SRPK2: variants seen among roughly 807,000 people sequenced by gnomAD.
SRPK2 encodes the protein SRSF protein kinase 2, also known as SFRS protein kinase 2.
SRPK2 carries 21 observed loss-of-function variants against 90.8 expected under a neutral mutation model. That is an observed-to-expected ratio of 0.23 (90% CI 0.16 to 0.33). The LOEUF is 0.33. SRPK2 is among the 10% of genes least tolerant of loss of function. The pLI, the probability that SRPK2 is intolerant of heterozygous loss-of-function variation, is 1.00. For missense variants in SRPK2, 620 were observed against 869.0 expected, an observed-to-expected ratio of 0.71 and a Z score of 3.60; for synonymous variants, 288 against 311.1, an observed-to-expected ratio of 0.93 and a Z score of 0.78.
intron 11 of SRPK2, 93 bp downstream of exon 11, chr7:105,141,915 T>C: frequency 7.0e-7 from 1 of 1,435,970 alleles, no homozygotes; most frequent in Non-Finnish European, 9.4e-7. Context: ...CACACAGGGC[T>C]TGGCCACTTC....
At chr7:105,190,890 A>G (rs898738851) in intron 3 of SRPK2, among the ~76,000 whole-genome samples, 1 of 152,226 alleles carries the variant, frequency 6.6e-6, no homozygotes, top group Non-Finnish European at 1.5e-5. Flanking sequence ...CACTGTTTCT[A>G]CTAATAATGC....
At chr7:105,374,446 TAAG>T (rs1287196344) in intron 2 of SRPK2, among the ~76,000 whole-genome samples, 1 of 152,130 alleles carries the variant, frequency 6.6e-6, no homozygotes, top group East Asian at 1.9e-4. Context: ...CCACCTAGTC[TAAG>T]AAAATCTGAA....
At chr7:105,299,397 T>C (rs556098297) in intron 2 of SRPK2, among the ~76,000 whole-genome samples, 15 of 152,348 alleles carry the variant, frequency 9.8e-5, no homozygotes, top group Non-Finnish European at 1.9e-4. Flanking sequence ...TTCTCATTTT[T>C]TAAGGTCTAC....
At chr7:105,205,718 G>A (rs1397492054) in intron 2 of SRPK2, among the ~76,000 whole-genome samples, 1 of 152,110 alleles carries the variant, frequency 6.6e-6, no homozygotes, top group Non-Finnish European at 1.5e-5. Context: ...TCTGAAGGAG[G>A]AGAGGCAAGT....
At chr7:105,384,713 T>C (rs955405062) in intron 2 of SRPK2, among the ~76,000 whole-genome samples, 1 of 152,112 alleles carries the variant, frequency 6.6e-6, no homozygotes, top group Non-Finnish European at 1.5e-5. Context: ...GAGCTGTCTG[T>C]AAAATTCGGG....
intron 2 of SRPK2, among the ~76,000 whole-genome samples, chr7:105,209,879 T>C (rs1796645080): frequency 6.6e-6 from 1 of 152,172 alleles, no homozygotes; most frequent in East Asian, 1.9e-4. Context: ...AAGAAAATTC[T>C]AATCATTACT....
chr7:105,386,608 T>C (rs1398658989), intron 2 of SRPK2, among the ~76,000 whole-genome samples: 1 of 151,948 alleles, frequency 6.6e-6, no homozygotes, highest in Non-Finnish European at 1.5e-5. Flanking sequence ...TCCCAGCTAC[T>C]CAGGAGGCTG....
intron 2 of SRPK2, among the ~76,000 whole-genome samples, chr7:105,276,872 C>T (rs1402967675): frequency 6.6e-6 from 1 of 152,162 alleles, no homozygotes; most frequent in Non-Finnish European, 1.5e-5. Context: ...CAGAGCAGCT[C>T]CCAAATCAAT....
intron 2 of SRPK2, among the ~76,000 whole-genome samples, chr7:105,219,689 A>G (rs1797872554): frequency 2.0e-5 from 3 of 152,258 alleles, no homozygotes; most frequent in Non-Finnish European, 4.4e-5. Flanking sequence ...GTGAAAAAGT[A>G]TATGCCTAAT....
chr7:105,242,283 G>A (rs1196656734), intron 2 of SRPK2, among the ~76,000 whole-genome samples: 5 of 152,088 alleles, frequency 3.3e-5, no homozygotes, highest in African/African-American at 7.2e-5. Flanking sequence ...AGGCTGAGGC[G>A]GCTGGAATGC....
intron 2 of SRPK2, among the ~76,000 whole-genome samples, chr7:105,374,068 T>C (rs1050152400): frequency 1.3e-5 from 2 of 152,050 alleles, no homozygotes; most frequent in Non-Finnish European, 2.9e-5. Flanking sequence ...GCTGGGATTA[T>C]GGCACATGCC....
intron 11 of SRPK2, among the ~76,000 whole-genome samples, chr7:105,133,623 C>T (rs1802356943): frequency 6.6e-6 from 1 of 152,204 alleles, no homozygotes; most frequent in Non-Finnish European, 1.5e-5. Context: ...CCCTACAGTT[C>T]CCACTGCTTG....
At chr7:105,135,321 C>T (rs973797491) in intron 11 of SRPK2, among the ~76,000 whole-genome samples, 1 of 152,162 alleles carries the variant, frequency 6.6e-6, no homozygotes, top group Non-Finnish European at 1.5e-5. Context: ...AACCCAAACA[C>T]AGGAGAGTCA....
chr7:105,362,370 G>A (rs1228281545), intron 2 of SRPK2, among the ~76,000 whole-genome samples: 2 of 152,076 alleles, frequency 1.3e-5, no homozygotes, highest in African/African-American at 4.8e-5. Context: ...CACTTTGAGA[G>A]GCCAAGGCGG....
At chr7:105,145,181 G>A in intron 9 of SRPK2, 102 bp downstream of exon 9, 1 of 766,846 alleles carries the variant, frequency 1.3e-6, no homozygotes, top group Non-Finnish European at 1.9e-6. Flanking sequence ...TTATAAATGT[G>A]TCTACCCTTT....
chr7:105,363,355 A>G (rs1054427189), intron 2 of SRPK2, among the ~76,000 whole-genome samples: 2 of 152,186 alleles, frequency 1.3e-5, no homozygotes, highest in African/African-American at 4.8e-5. Flanking sequence ...ACCCCATCAA[A>G]AAGAGGGCAA....
intron 2 of SRPK2, among the ~76,000 whole-genome samples, chr7:105,370,491 T>G (rs1295043864): frequency 1.3e-5 from 2 of 152,182 alleles, no homozygotes; most frequent in Non-Finnish European, 2.9e-5. Context: ...AGGCTCCATA[T>G]TCTAAGACTG....
chr7:105,235,816 G>T (rs540396917), intron 2 of SRPK2, among the ~76,000 whole-genome samples: 4 of 151,986 alleles, frequency 2.6e-5, no homozygotes, highest in African/African-American at 7.3e-5. Context: ...TCATCACAAA[G>T]AATTATTAGC....
chr7:105,171,538 A>G (rs570962363), intron 3 of SRPK2, among the ~76,000 whole-genome samples: 1 of 152,378 alleles, frequency 6.6e-6, no homozygotes, highest in East Asian at 1.9e-4. Context: ...TAGTCTTAAG[A>G]GCTCTAGAGC....
Sources: gnomAD v4.1 joint callset for allele counts (sites outside exome capture counted in the v4.1 genomes callset) on GRCh38, gnomAD v4.1.1 for gene constraint, MANE v1.5 for transcripts, NCBI Gene and HGNC (gene_info 2026-07-23, HGNC 2026-07-21) for gene names.